Variants in OGN observed in about 807,000 individuals in gnomAD.
The protein encoded by OGN is osteoglycin, also known as mimecan.
In OGN, 19 loss-of-function variants were observed where a neutral mutation model predicts 30.8. The observed-to-expected ratio is 0.62, with a 90% CI of 0.43 to 0.90. The LOEUF is 0.90. Among genes scored for constraint, OGN ranks in the 40% least tolerant of loss-of-function variants. The pLI is 0.00. For missense variants in OGN, 283 were observed against 349.7 expected (o/e 0.81, Z 1.52); for synonymous variants, 126 against 128.3 (o/e 0.98, Z 0.12).
rs372528915 is a variant in OGN, at chr9:92,397,998, C to T, written c.268+3094G>A. ...TGTTCTTTCTAGCCTTCCACCTTTC[C>T]GTATTTGTAATGTTTCTCTGACAGT... On this transcript the variant is annotated intron_variant, in intron 3 of 6. Coordinates refer to ENST00000375561, the MANE Select transcript of OGN (RefSeq NM_014057.5). Among the ~76,000 whole-genome samples the T allele has an allele frequency of 8.5e-5, 13 of 152,256 alleles. No homozygotes were observed. The East Asian group carries it at 1.9e-3, about 23-fold the overall frequency.
chr9:92,390,982 A>C (rs777306404), intron 4 of OGN, among the ~76,000 whole-genome samples: 9 of 152,166 alleles, frequency 5.9e-5, no homozygotes, highest in Non-Finnish European at 1.2e-4. Context: ...CAGCAAAATC[A>C]GGCCAGGTGT....
rs1017029541 is a variant in OGN at position 92,385,658 on chromosome 9, T to C, written c.859A>G (p.Ile287Val). The change falls in exon 7 of 7, where the codon ATT (isoleucine) becomes GTT (valine). Residue 287 changes from isoleucine (I) to valine (V), a missense_variant. Transcript: ENST00000375561. Reference protein sequence around the residue: ...IVLGKHPNSFICLKRLPIGSY... With the variant: ...IVLGKHPNSFVCLKRLPIGSY... ...CCTATCGGTAATCTTTTTAAGCAAATAAAACTGTTTGGATGCTTTCCCAGG... is the reference window on the plus strand; with the variant it reads ...CCTATCGGTAATCTTTTTAAGCAAACAAAACTGTTTGGATGCTTTCCCAGG... 2.5e-6 allele frequency: 4 copies of C among 1,614,052 alleles called. No homozygotes were observed. The African/African-American group carries it at 5.3e-5, about 22-fold the overall frequency.
intron 4 of OGN, among the ~76,000 whole-genome samples, chr9:92,390,567 T>C (rs1588086164): frequency 1.8e-5 from 1 of 56,522 alleles, no homozygotes; most frequent in African/African-American, 3.3e-5. Flanking sequence ...AAATTCAGTG[T>C]GTGTGTGTGT....
intron 3 of OGN, among the ~76,000 whole-genome samples, chr9:92,393,455 A>G (rs1427837937): frequency 6.6e-6 from 1 of 152,134 alleles, no homozygotes; most frequent in Non-Finnish European, 1.5e-5. Flanking sequence ...ATTTTGTTTT[A>G]CTGGTGATTG....
At chr9:92,395,083 G>A (rs1327227983) in intron 3 of OGN, among the ~76,000 whole-genome samples, 6 of 151,540 alleles carry the variant, frequency 4.0e-5, no homozygotes, top group Non-Finnish European at 7.4e-5. Flanking sequence ...TATTTAAATC[G>A]TACAACATAT....
Position 92,404,511 on chromosome 9 carries a change from G to T in OGN, c.-91C>A. The T allele has an allele frequency of 7.7e-7, 1 of 1,293,672 alleles. No homozygotes were observed. The allele number at this position is 1,293,672 out of a possible 1,614,324, so 80.1% of individuals were successfully genotyped here. A position where few individuals can be genotyped will look rare whatever the true frequency, so the allele number is the denominator to read the frequency against. On this transcript the variant is annotated 5_prime_UTR_variant, in exon 1 of 7. Coordinates refer to ENST00000375561, the MANE Select transcript of OGN (RefSeq NM_014057.5). ...GTAAGCCTACCGTTGTAGCTGTTTT[G>T]AAGTTTTTTGTGGTTTTCCTCAATA...
chr9:92,397,229 A>G (rs1160893952), intron 3 of OGN, among the ~76,000 whole-genome samples: 1 of 151,994 alleles, frequency 6.6e-6, no homozygotes. Flanking sequence ...GAACTTCCTT[A>G]TTTCCTAACA....
At chr9:92,392,212 C>T (rs1842713423) in intron 4 of OGN, among the ~76,000 whole-genome samples, 1 of 152,104 alleles carries the variant, frequency 6.6e-6, no homozygotes, top group Non-Finnish European at 1.5e-5. Context: ...CTGTTCTCAA[C>T]AGTATTTCCA....
chr9:92,386,184 G>A lies in OGN; in HGVS notation c.726+17C>T, dbSNP rs1842412638. ...ATAGGTAATTAGAGTCAGATATTGT[G>A]AAAGGAACTATCATACCTGAAGATG... is the stretch of plus-strand genomic sequence containing the variant. On this transcript the variant is annotated intron_variant, in intron 6 of 6. Transcript: ENST00000375561. 6.5e-7 allele frequency: 1 copy of A among 1,535,512 alleles called. No individual in the cohort carries two copies.
intron 4 of OGN, among the ~76,000 whole-genome samples, chr9:92,390,333 C>G (rs1415348125): frequency 6.6e-6 from 1 of 152,126 alleles, no homozygotes; most frequent in African/African-American, 2.4e-5. Flanking sequence ...TGTTCAAATT[C>G]CTTGGGATGG....
Position 92,403,362 on chromosome 9 carries a change from G to A in OGN, c.46C>T (p.Leu16=). Residue 16 remains leucine (L), a synonymous_variant, in exon 2 of 7, where the codon CTG becomes TTG. Transcript: ENST00000375561. ...STLLLLLLVP[L]IKPAPPTQQD... is the part of the protein sequence containing the mutation. ...TGGGTTGGTGGTGCTGGCTTTATCA[G>A]AGGCACAAGCAGTAACAGGAGAAGT... 6.2e-7 allele frequency: 1 copy of A among 1,613,304 alleles called. No individual in the cohort carries two copies. The highest frequency in any genetic ancestry group is 8.5e-7 in the Non-Finnish European group (1 of 1,179,488).
At chr9:92,398,352 C>T (rs13289189) in intron 3 of OGN, among the ~76,000 whole-genome samples, 2,770 of 152,092 alleles carry the variant, frequency 0.018, 49 homozygotes, top group Non-Finnish European at 0.03. Context: ...TTTGACTATA[C>T]GAAACAGCAT....
chr9:92,386,543 G>T (rs1460920002), intron 5 of OGN, among the ~76,000 whole-genome samples: 1 of 151,926 alleles, frequency 6.6e-6, no homozygotes, highest in Non-Finnish European at 1.5e-5. Flanking sequence ...CCACACTTCT[G>T]TCCATTCATC....
chr9:92,394,540 C>T (rs1190267917), intron 3 of OGN, among the ~76,000 whole-genome samples: 3 of 151,644 alleles, frequency 2.0e-5, no homozygotes, highest in Admixed American at 1.3e-4. Flanking sequence ...CGTGAGCCAT[C>T]ACACCTGACC....
intron 3 of OGN, among the ~76,000 whole-genome samples, chr9:92,399,478 T>C (rs1320521689): frequency 6.6e-6 from 1 of 152,210 alleles, no homozygotes; most frequent in Non-Finnish European, 1.5e-5. Context: ...TCTAGTGATA[T>C]TATTTATCTG....
chr9:92,388,308 C>CCCA (rs969774165), intron 5 of OGN, among the ~76,000 whole-genome samples: 10 of 151,546 alleles, frequency 6.6e-5, no homozygotes, highest in African/African-American at 2.2e-4. Flanking sequence ...ACTACAGGCG[C>CCCA]CCACCACCAC....
At chr9:92,393,326 G>T in intron 3 of OGN, 82 bp from the exon 4 acceptor site, 2 of 1,052,198 alleles carry the variant, frequency 1.9e-6, no homozygotes, top group Non-Finnish European at 2.7e-6. Context: ...TTGCTATTAT[G>T]AATGCTATTA....
At chr9:92,400,290 C>G (rs1843057508) in intron 3 of OGN, among the ~76,000 whole-genome samples, 1 of 152,138 alleles carries the variant, frequency 6.6e-6, no homozygotes, top group Non-Finnish European at 1.5e-5. Flanking sequence ...GCTGGGATTA[C>G]AGGCACCTGC....
At position 92,393,104 on chromosome 9, in the gene OGN, T is replaced by C. The variant is rs758892446; in HGVS notation, c.409A>G (p.Lys137Glu). The change falls in exon 4 of 7, where the codon AAA (lysine) becomes GAA (glutamate). Residue 137 changes from lysine to glutamate, a missense_variant. Coordinates refer to ENST00000375561, the MANE Select transcript of OGN (RefSeq NM_014057.5). ...RFNKIKKLTA[K>E]DFADIPNLRR... ...AACTTACGTATGTCTGCAAAATCTT[T>C]GGCAGTCAGCTTTTTAATTTTGTTG... 14 of 1,613,570 alleles carry C rather than the reference T, an allele frequency of 8.7e-6. No individual in the cohort carries two copies. The highest frequency in any genetic ancestry group is 1.3e-5 in the African/African-American group (1 of 74,930).
Sources: gnomAD v4.1 joint callset for allele counts (sites outside exome capture counted in the v4.1 genomes callset) on GRCh38, gnomAD v4.1.1 for gene constraint, MANE v1.5 for transcripts, NCBI Gene and HGNC (gene_info 2026-07-23, HGNC 2026-07-21) for gene names.